TBPL1: variants seen among roughly 807,000 people sequenced by gnomAD.
The protein encoded by TBPL1 is TATA-box binding protein like 1, also known as TATA box-binding protein-like 1.
A neutral mutation model predicts 22.1 loss-of-function variants in TBPL1; 4 were observed. The observed-to-expected ratio is 0.18, with a 90% confidence interval of 0.09 to 0.41. The LOEUF is 0.41. Ranked by LOEUF, TBPL1 falls within the 10% of genes least tolerant of loss-of-function variation. The probability of loss-of-function intolerance (pLI) is 1.00; values close to 1 mark genes in which losing one functional copy is unlikely to be tolerated. For synonymous variants in TBPL1, 64 were observed against 71.0 expected (o/e 0.90, Z 0.50); for missense variants, 115 against 222.3 (o/e 0.52, Z 3.07).
At chr6:133,959,513 A>C (rs1775984884) in intron 1 of TBPL1, among the ~76,000 whole-genome samples, 1 of 151,698 alleles carries the variant, frequency 6.6e-6, no homozygotes, top group African/African-American at 2.4e-5. Flanking sequence ...ATGGAGTCTC[A>C]CTCTGTCGCC....
At chr6:133,976,597 C>G (rs1207260735) in intron 1 of TBPL1, among the ~76,000 whole-genome samples, 1 of 152,138 alleles carries the variant, frequency 6.6e-6, no homozygotes. Context: ...CTTTGAACTA[C>G]TAATATTTAG....
chr6:133,982,152 T>G (rs940131727), intron 2 of TBPL1, among the ~76,000 whole-genome samples: 1 of 152,156 alleles, frequency 6.6e-6, no homozygotes, highest in Admixed American at 6.5e-5. Flanking sequence ...GTAAGAGACC[T>G]GAATGAAGTG....
intron 4 of TBPL1, among the ~76,000 whole-genome samples, chr6:133,983,223 AAT>A (rs888433006): frequency 6.6e-6 from 1 of 152,254 alleles, no homozygotes; most frequent in African/African-American, 2.4e-5. Flanking sequence ...CAGAATGGTG[AAT>A]AGAGAATGGC....
chr6:133,972,384 AT>A (rs1298589657), intron 1 of TBPL1, among the ~76,000 whole-genome samples: 1 of 152,226 alleles, frequency 6.6e-6, no homozygotes, highest in Non-Finnish European at 1.5e-5. Context: ...TTATACAGAC[AT>A]TTTGTCATTT....
chr6:133,979,063 A>G (rs369830641), intron 1 of TBPL1, among the ~76,000 whole-genome samples: 3 of 152,178 alleles, frequency 2.0e-5, no homozygotes, highest in Admixed American at 2.0e-4. Flanking sequence ...TATAAATCAT[A>G]GGAGTCTCGG....
intron 1 of TBPL1, chr6:133,969,020 C>T (rs1390335598): frequency 6.6e-6 from 1 of 152,152 alleles, no homozygotes; most frequent in East Asian, 1.9e-4. Context: ...CAGTGAGAAT[C>T]TTAACTAGGT....
Position 133,984,460 on chromosome 6 carries a change from A to G in TBPL1, c.367A>G (p.Asn123Asp). 6.2e-7 allele frequency: 1 copy of G among 1,613,810 alleles called. No homozygotes were observed. The highest frequency in any genetic ancestry group is 8.5e-7 in the Non-Finnish European group (1 of 1,179,874). Reference sequence around the variant, plus strand: ...AATCCGTTTGCCAGAATTCACAAAGAACAATAGACCTCATGCCAGGTAAGT... The same window carrying G: ...AATCCGTTTGCCAGAATTCACAAAGGACAATAGACCTCATGCCAGGTAAGT... ...FEIRLPEFTK[N>D]NRPHASYEPE... Residue 123 changes from asparagine (N) to aspartate (D), a missense_variant, in exon 5 of 7, where the codon AAC (asparagine) becomes GAC (aspartate). By Grantham distance (23) the Asn-to-Asp change is conservative (BLOSUM62 1). Transcript: ENST00000237264.
chr6:133,981,396 T>C (rs569648313), intron 2 of TBPL1, among the ~76,000 whole-genome samples: 14 of 152,218 alleles, frequency 9.2e-5, no homozygotes, highest in Non-Finnish European at 1.6e-4. Context: ...GTAATAAATA[T>C]GTCTGCTCAA....
At chr6:133,970,055 G>A (rs1414954955) in intron 1 of TBPL1, among the ~76,000 whole-genome samples, 1 of 152,168 alleles carries the variant, frequency 6.6e-6, no homozygotes, top group East Asian at 1.9e-4. Flanking sequence ...ATCTAGCTCT[G>A]CCTTCCCTTT....
chr6:133,981,613 A>G (rs575175584), intron 2 of TBPL1, among the ~76,000 whole-genome samples: 4 of 152,308 alleles, frequency 2.6e-5, no homozygotes, highest in Non-Finnish European at 4.4e-5. Flanking sequence ...TTTAGTTCAA[A>G]TTTTATCTTG....
At chr6:133,957,131 G>C (rs1306427978) in intron 1 of TBPL1, among the ~76,000 whole-genome samples, 1 of 152,170 alleles carries the variant, frequency 6.6e-6, no homozygotes, top group African/African-American at 2.4e-5. Flanking sequence ...GGCTGGTTTT[G>C]TGGGTTGAAG....
At chr6:133,963,004 C>T (rs1288823302) in intron 1 of TBPL1, among the ~76,000 whole-genome samples, 3 of 152,180 alleles carry the variant, frequency 2.0e-5, no homozygotes, top group African/African-American at 7.2e-5. Flanking sequence ...CAGAAGTTCC[C>T]AGTGCTTTAT....
intron 1 of TBPL1, among the ~76,000 whole-genome samples, chr6:133,963,218 C>T (rs1359989091): frequency 6.6e-6 from 1 of 152,048 alleles, no homozygotes; most frequent in African/African-American, 2.4e-5. Flanking sequence ...AGAATAGAGC[C>T]CTTTTTAAGG....
intron 1 of TBPL1, among the ~76,000 whole-genome samples, chr6:133,965,919 A>C (rs573462840): frequency 6.6e-6 from 1 of 152,208 alleles, no homozygotes; most frequent in African/African-American, 2.4e-5. Flanking sequence ...AATTTTCACA[A>C]CACTATGATG....
intron 1 of TBPL1, among the ~76,000 whole-genome samples, chr6:133,961,832 T>C (rs978536241): frequency 1.3e-5 from 2 of 152,228 alleles, no homozygotes; most frequent in African/African-American, 4.8e-5. Flanking sequence ...GAAGTTTCTC[T>C]TTCATTATCT....
chr6:133,958,563 A>C (rs1253453656), intron 1 of TBPL1, among the ~76,000 whole-genome samples: 1 of 152,206 alleles, frequency 6.6e-6, no homozygotes, highest in African/African-American at 2.4e-5. Context: ...AGTTTTGTTT[A>C]GGCTGCTGCT....
At chr6:133,986,779 A>C (rs1394571653) in intron 6 of TBPL1, among the ~76,000 whole-genome samples, 182 bp from the exon 7 acceptor site, 3 of 152,208 alleles carry the variant, frequency 2.0e-5, no homozygotes, top group Non-Finnish European at 4.4e-5. Flanking sequence ...TGCCCAGAAC[A>C]AAATCTGTAT....
intron 4 of TBPL1, among the ~76,000 whole-genome samples, chr6:133,983,459 A>G (rs184742458): frequency 3.3e-4 from 51 of 152,328 alleles, no homozygotes; most frequent in South Asian, 4.1e-4. Flanking sequence ...GATTGAGACA[A>G]GTTTGTAGAA....
At position 133,987,044 on chromosome 6, in the gene TBPL1, A is replaced by G. The variant is rs1231814630; in HGVS notation, c.*4A>G. 2.5e-6 allele frequency: 4 copies of G among 1,606,002 alleles called. No individual in the cohort carries two copies. The highest frequency in any genetic ancestry group is 2.6e-6 in the Non-Finnish European group (3 of 1,175,662). On this transcript the variant is annotated 3_prime_UTR_variant, in exon 7 of 7. Coordinates refer to ENST00000237264, the MANE Select transcript of TBPL1 (RefSeq NM_004865.4). ...AAGCAGGAAAGAAATTTTATAATTCACCACTTAATTGGTTAGAATCTCTAA... is the reference window on the plus strand; with the variant it reads ...AAGCAGGAAAGAAATTTTATAATTCGCCACTTAATTGGTTAGAATCTCTAA...
Sources: gnomAD v4.1 joint callset for allele counts (sites outside exome capture counted in the v4.1 genomes callset) on GRCh38, gnomAD v4.1.1 for gene constraint, MANE v1.5 for transcripts, NCBI Gene and HGNC (gene_info 2026-07-23, HGNC 2026-07-21) for gene names.